Variants in PHKB observed in about 807,000 individuals in gnomAD.
The protein encoded by PHKB is phosphorylase b kinase regulatory subunit beta.
Under a neutral mutation model 152.1 loss-of-function variants are expected in PHKB, and 122 were observed. That is an observed-to-expected ratio of 0.80 (90% CI 0.69 to 0.93). The LOEUF is 0.93. Among genes scored for constraint, PHKB ranks in the 40% least tolerant of loss-of-function variants. The probability of loss-of-function intolerance (pLI) is 0.00; values close to 1 mark genes in which losing one functional copy is unlikely to be tolerated. For synonymous variants in PHKB, 436 were observed against 464.9 expected, an observed-to-expected ratio of 0.94 and a Z score of 0.80; for missense variants, 1,304 against 1,328.4, an observed-to-expected ratio of 0.98 and a Z score of 0.29.
chr16:47,610,088 G>T (rs1037674778), intron 13 of PHKB, among the ~76,000 whole-genome samples: 2 of 150,692 alleles, frequency 1.3e-5, no homozygotes, highest in Non-Finnish European at 2.9e-5. Context: ...CACCTCCCAG[G>T]TTCAAGCAAT....
intron 1 of PHKB, among the ~76,000 whole-genome samples, chr16:47,474,452 G>A (rs1015118845): frequency 2.0e-5 from 3 of 152,214 alleles, no homozygotes; most frequent in Admixed American, 6.5e-5. Flanking sequence ...GTTCCTCTTC[G>A]TACATATTTT....
At chr16:47,547,836 A>G in intron 7 of PHKB, 2 of 365,084 alleles carry the variant, frequency 5.5e-6, no homozygotes, top group East Asian at 6.7e-5. Flanking sequence ...TTTCTGCTCA[A>G]CCAAGTCATT....
chr16:47,603,101 T>C (rs1972261422), intron 13 of PHKB, among the ~76,000 whole-genome samples: 1 of 152,218 alleles, frequency 6.6e-6, no homozygotes, highest in South Asian at 2.1e-4. Context: ...TCTAATGCTT[T>C]TTAAACTTAA....
chr16:47,646,974 A>T (rs1317192841), intron 16 of PHKB, among the ~76,000 whole-genome samples: 1 of 152,184 alleles, frequency 6.6e-6, no homozygotes, highest in Non-Finnish European at 1.5e-5. Context: ...TCTGACATTG[A>T]TTAACTCCTA....
chr16:47,499,336 A>G (rs1970285066), intron 2 of PHKB, among the ~76,000 whole-genome samples: 1 of 152,082 alleles, frequency 6.6e-6, no homozygotes, highest in African/African-American at 2.4e-5. Context: ...TGGCTTTGTG[A>G]TTTACTAAAT....
intron 7 of PHKB, among the ~76,000 whole-genome samples, chr16:47,569,289 T>C (rs1171485544): frequency 6.6e-6 from 1 of 152,244 alleles, no homozygotes; most frequent in Non-Finnish European, 1.5e-5. Flanking sequence ...TCTTTTTATT[T>C]AAAGTCTGTT....
At chr16:47,521,914 T>G (rs550327674) in intron 6 of PHKB, among the ~76,000 whole-genome samples, 3 of 152,352 alleles carry the variant, frequency 2.0e-5, no homozygotes, top group African/African-American at 7.2e-5. Context: ...TAAATCTTAC[T>G]TGGTCATGAT....
chr16:47,566,729 G>T (rs903103253), intron 7 of PHKB: 2 of 764,736 alleles, frequency 2.6e-6, no homozygotes, highest in Non-Finnish European at 4.8e-6. Flanking sequence ...CATCATTACT[G>T]TTCCAAGTTG....
chr16:47,470,207 T>C (rs1969740400), intron 1 of PHKB, among the ~76,000 whole-genome samples: 1 of 152,218 alleles, frequency 6.6e-6, no homozygotes, highest in Non-Finnish European at 1.5e-5. Context: ...AACAGAGATT[T>C]ACCCACGTAT....
At chr16:47,516,178 G>A (rs1167922269) in intron 6 of PHKB, among the ~76,000 whole-genome samples, 5 of 151,988 alleles carry the variant, frequency 3.3e-5, no homozygotes, top group African/African-American at 7.3e-5. Flanking sequence ...CGCCCACCTC[G>A]GCCTCCCAAA....
At chr16:47,471,188 G>A (rs1205693321) in intron 1 of PHKB, among the ~76,000 whole-genome samples, 4 of 152,136 alleles carry the variant, frequency 2.6e-5, no homozygotes, top group African/African-American at 9.7e-5. Flanking sequence ...GAGAAGTTGG[G>A]GTAAGGAGGA....
intron 4 of PHKB, among the ~76,000 whole-genome samples, chr16:47,504,497 G>A (rs1474768889): frequency 2.0e-5 from 3 of 152,190 alleles, no homozygotes; most frequent in African/African-American, 7.2e-5. Flanking sequence ...CATGATCTGA[G>A]TGTCCACATA....
intron 10 of PHKB, among the ~76,000 whole-genome samples, chr16:47,591,969 C>T (rs981664711): frequency 6.6e-6 from 1 of 152,138 alleles, no homozygotes; most frequent in Non-Finnish European, 1.5e-5. Context: ...CTCCAGGAGA[C>T]ATTTGACAAT....
rs376235498 is a variant in PHKB at position 47,609,152 on chromosome 16, A to G, written c.1364-1674A>G. On this transcript the variant is annotated intron_variant, in intron 13 of 30. Transcript: ENST00000323584. ...TCAAATGCTTTTTCTCAGTCTGTTG[A>G]AGTGATCACATAGTGTTTTCCCCTT... 1.1e-3 allele frequency among the ~76,000 whole-genome samples: 171 copies of G among 152,212 alleles called. 8 individuals are homozygous for G. In the South Asian group the frequency reaches 0.034, roughly 31 times the overall value.
At chr16:47,473,536 T>C (rs1201076692) in intron 1 of PHKB, among the ~76,000 whole-genome samples, 3 of 152,106 alleles carry the variant, frequency 2.0e-5, no homozygotes, top group Non-Finnish European at 2.9e-5. Context: ...ATTAGTTTAT[T>C]TTACCAACAA....
intron 5 of PHKB, among the ~76,000 whole-genome samples, chr16:47,514,856 A>C (rs925951090): frequency 1.3e-5 from 2 of 152,186 alleles, no homozygotes; most frequent in African/African-American, 4.8e-5. Context: ...AGATCATAAA[A>C]TATCTATTTT....
chr16:47,677,269 A>G (rs1973748699), intron 26 of PHKB, among the ~76,000 whole-genome samples: 1 of 152,184 alleles, frequency 6.6e-6, no homozygotes, highest in African/African-American at 2.4e-5. Context: ...TCAGTCACCA[A>G]ACAGATAGCT....
intron 27 of PHKB, among the ~76,000 whole-genome samples, chr16:47,691,011 C>G (rs1974050448): frequency 6.6e-6 from 1 of 151,990 alleles, no homozygotes. Flanking sequence ...TTTGAGTCCA[C>G]GAGTTTGAGA....
chr16:47,603,899 A>T (rs1597117977), intron 13 of PHKB, among the ~76,000 whole-genome samples: 1 of 152,178 alleles, frequency 6.6e-6, no homozygotes, highest in Non-Finnish European at 1.5e-5. Flanking sequence ...GATGGGTACT[A>T]TGTGGCATAG....
Sources: gnomAD v4.1 joint callset for allele counts (sites outside exome capture counted in the v4.1 genomes callset) on GRCh38, gnomAD v4.1.1 for gene constraint, MANE v1.5 for transcripts, NCBI Gene and HGNC (gene_info 2026-07-23, HGNC 2026-07-21) for gene names.